The following SESTD1 variants were observed in gnomAD, a reference collection of about 807,000 sequenced individuals.
SESTD1 encodes the protein SEC14 domain and spectrin repeat-containing protein 1.
Under a neutral mutation model 101.7 loss-of-function variants are expected in SESTD1, and 43 were observed. That is an observed-to-expected ratio of 0.42 (90% CI 0.33 to 0.55). The LOEUF is 0.55. Ranked by LOEUF, SESTD1 falls within the 20% of genes least tolerant of loss-of-function variation. The pLI, the probability that SESTD1 is intolerant of heterozygous loss-of-function variation, is 0.07. For synonymous variants in SESTD1, 283 were observed against 286.8 expected, an observed-to-expected ratio of 0.99 and a Z score of 0.13; for missense variants, 647 against 815.1, an observed-to-expected ratio of 0.79 and a Z score of 2.51.
intron 1 of SESTD1, among the ~76,000 whole-genome samples, chr2:179,238,653 A>G (rs1305942798): frequency 6.6e-6 from 1 of 151,958 alleles, no homozygotes; most frequent in Non-Finnish European, 1.5e-5. Flanking sequence ...GAAAAAGGTC[A>G]GTGTTATTTT....
At chr2:179,218,564 CA>C (rs150261122) in intron 1 of SESTD1, among the ~76,000 whole-genome samples, 6 of 151,584 alleles carry the variant, frequency 4.0e-5, no homozygotes, top group South Asian at 2.1e-4. Context: ...CAAGAAGCAC[CA>C]AAAAAAACTA....
intron 15 of SESTD1, 57 bp downstream of exon 15, chr2:179,116,611 T>C (rs1408497884): frequency 3.1e-6 from 5 of 1,612,884 alleles, no homozygotes; most frequent in East Asian, 2.2e-5. Context: ...ATTATAATCA[T>C]GCAGAAAGCT....
In SESTD1 at chr2:179,146,647, G is replaced by A. The variant is rs191586433; in HGVS notation, c.582-190C>T. Among the ~76,000 whole-genome samples the A allele has an allele frequency of 1.2e-4, 18 of 152,252 alleles. 1 individual carries two copies. The East Asian group carries it at 3.5e-3, about 29-fold the overall frequency. ...GGAAAAGTAAATACTAGTAGCCAGA[G>A]AAATACCAACGTAATAAATCATAAA... is the stretch of plus-strand genomic sequence containing the variant. On this transcript the variant is annotated intron_variant, in intron 7 of 17. Coordinates refer to ENST00000428443, the MANE Select transcript of SESTD1 (RefSeq NM_178123.5).
At chr2:179,127,314 G>A (rs75851023) in intron 10 of SESTD1, among the ~76,000 whole-genome samples, 2,579 of 152,258 alleles carry the variant, frequency 0.017, 68 homozygotes, top group African/African-American at 0.059. Context: ...TCTCCTCAGA[G>A]AGGCCTTTCC....
intron 1 of SESTD1, among the ~76,000 whole-genome samples, chr2:179,216,618 T>C (rs1348345303): frequency 7.4e-6 from 1 of 135,134 alleles, no homozygotes; most frequent in East Asian, 2.0e-4. Flanking sequence ...CTTCACAGAA[T>C]TGGAAAAAAC....
intron 1 of SESTD1, among the ~76,000 whole-genome samples, chr2:179,234,819 C>T (rs148808428): frequency 1.3e-3 from 194 of 151,780 alleles, no homozygotes; most frequent in African/African-American, 4.5e-3. Flanking sequence ...TAAAAAATGT[C>T]ATTTATCAGC....
intron 3 of SESTD1, among the ~76,000 whole-genome samples, chr2:179,182,549 ATGGG>A (rs2046133546): frequency 2.6e-5 from 4 of 152,156 alleles, no homozygotes; most frequent in African/African-American, 9.6e-5. Context: ...TGTTGAAGTC[ATGGG>A]TAGACTAGGA....
chr2:179,236,323 T>TAAAAA (rs552456681), intron 1 of SESTD1, among the ~76,000 whole-genome samples: 1 of 66,718 alleles, frequency 1.5e-5, no homozygotes. Context: ...CCTCATCTCT[T>TAAAAA]AAAAAAAAAA....
Position 179,200,987 on chromosome 2 carries a change from C to G in SESTD1, c.-25-9121G>C, listed in dbSNP as rs868036598. 1.5e-5 allele frequency among the ~76,000 whole-genome samples: 2 copies of G among 133,916 alleles called. 1 individual carries two copies. Among genetic ancestry groups the G allele is most frequent in the Non-Finnish European group, 3.2e-5 (2 of 62,624 alleles). The allele number at this position is 133,916 out of a possible 152,430, so 87.9% of individuals were successfully genotyped here. ...AACTACCATCAGAGTGAACAGGCAA[C>G]CTACAGAATGGGAGAAAATTTTCGC... On this transcript the variant is annotated intron_variant, in intron 1 of 17. Coordinates refer to ENST00000428443, the MANE Select transcript of SESTD1 (RefSeq NM_178123.5).
chr2:179,190,006 A>G (rs2105495081), intron 2 of SESTD1, among the ~76,000 whole-genome samples: 1 of 152,272 alleles, frequency 6.6e-6, no homozygotes, highest in South Asian at 2.1e-4. Flanking sequence ...ATTCAATGCT[A>G]TTCATATCAA....
Position 179,164,432 on chromosome 2 carries a change from A to T in SESTD1, c.369+7688T>A, listed in dbSNP as rs529986183. 2.2e-3 allele frequency among the ~76,000 whole-genome samples: 333 copies of T among 152,258 alleles called. 1 individual carries two copies. Among genetic ancestry groups the T allele is most frequent in the Non-Finnish European group, 3.8e-3 (261 of 68,002 alleles). ...GAGAGTGGAGATCCCTTTGATAATT[A>T]ATCTCTCCATTTGAGGACAAGATTA... On this transcript the variant is annotated intron_variant, in intron 5 of 17. Transcript: ENST00000428443.
Position 179,197,982 on chromosome 2 carries a change from A to G in SESTD1, c.-25-6116T>C, listed in dbSNP as rs999220422. On this transcript the variant is annotated intron_variant, in intron 1 of 17. Transcript: ENST00000428443. Reference sequence around the variant, plus strand: ...CAATATTAACTTTAAATGTAAATGGACTAAATGCTCCAATTAAAAGACACA... The same window carrying G: ...CAATATTAACTTTAAATGTAAATGGGCTAAATGCTCCAATTAAAAGACACA... 6.6e-5 allele frequency among the ~76,000 whole-genome samples: 10 copies of G among 152,164 alleles called. 1 individual carries two copies. The highest frequency in any genetic ancestry group is 5.8e-4 in the East Asian group (3 of 5,198).
At chr2:179,226,130 T>C (rs1388074565) in intron 1 of SESTD1, among the ~76,000 whole-genome samples, 1 of 152,212 alleles carries the variant, frequency 6.6e-6, no homozygotes, top group African/African-American at 2.4e-5. Context: ...GCTATAATTC[T>C]TAAAACAGTT....
chr2:179,226,883 T>A (rs2046894298), intron 1 of SESTD1, among the ~76,000 whole-genome samples: 2 of 152,284 alleles, frequency 1.3e-5, no homozygotes, highest in South Asian at 4.1e-4. Context: ...GCCAGCTTTC[T>A]CAGTTAGGTG....
At chr2:179,197,681 A>G (rs1322318976) in intron 1 of SESTD1, among the ~76,000 whole-genome samples, 1 of 152,242 alleles carries the variant, frequency 6.6e-6, no homozygotes, top group Non-Finnish European at 1.5e-5. Flanking sequence ...AAGAATTTTC[A>G]ACCCAGAATT....
chr2:179,168,526 CA>C (rs1030166986), intron 5 of SESTD1, among the ~76,000 whole-genome samples: 34 of 137,040 alleles, frequency 2.5e-4, no homozygotes, highest in Admixed American at 5.8e-4. Context: ...TGCTGAAAGA[CA>C]AAAAAAAAAA....
At chr2:179,119,802 T>C (rs1371671275) in intron 13 of SESTD1, among the ~76,000 whole-genome samples, 4 of 152,164 alleles carry the variant, frequency 2.6e-5, no homozygotes, top group Non-Finnish European at 4.4e-5. Flanking sequence ...CTTTTCCTCT[T>C]TCTCCATCCA....
At position 179,196,966 on chromosome 2, in the gene SESTD1, T is replaced by C. The variant is rs530067893; in HGVS notation, c.-25-5100A>G. ...GAACAAAGCTGGACGGAGAATGATT[T>C]TGATGAGCTGAGAGAAGAAGGCTTC... is the stretch of plus-strand genomic sequence containing the variant. On this transcript the variant is annotated intron_variant, in intron 1 of 17. Transcript: ENST00000428443. 1.2e-4 allele frequency among the ~76,000 whole-genome samples: 18 copies of C among 152,302 alleles called. No individual in the cohort carries two copies. In the East Asian group the frequency reaches 2.5e-3, roughly 21 times the overall value.
intron 5 of SESTD1, among the ~76,000 whole-genome samples, chr2:179,155,222 T>C (rs1315409149): frequency 6.6e-6 from 1 of 151,978 alleles, no homozygotes; most frequent in Non-Finnish European, 1.5e-5. Context: ...GGCCCACAAC[T>C]CTTTTTTTGG....
Sources: gnomAD v4.1 joint callset for allele counts (sites outside exome capture counted in the v4.1 genomes callset) on GRCh38, gnomAD v4.1.1 for gene constraint, MANE v1.5 for transcripts, NCBI Gene and HGNC (gene_info 2026-07-23, HGNC 2026-07-21) for gene names.